The following KCNH8 variants were observed in gnomAD, a reference collection of about 807,000 sequenced individuals.
KCNH8 encodes the protein voltage-gated delayed rectifier potassium channel KCNH8.
KCNH8 carries 70 observed loss-of-function variants against 103.6 expected under a neutral mutation model. The ratio of observed to expected loss-of-function variants is 0.68; its 90% CI spans 0.56 to 0.82. The LOEUF is 0.82. KCNH8 is among the 40% of genes least tolerant of loss of function. KCNH8 has a pLI of 0.00. For missense variants in KCNH8, 1,217 were observed against 1,329.9 expected, an observed-to-expected ratio of 0.92 and a Z score of 1.32; for synonymous variants, 498 against 489.4, an observed-to-expected ratio of 1.02 and a Z score of -0.23.
intron 2 of KCNH8, among the ~76,000 whole-genome samples, chr3:19,254,227 C>A (rs1445935159): frequency 6.6e-6 from 1 of 151,804 alleles, no homozygotes; most frequent in Non-Finnish European, 1.5e-5. Context: ...ATATTAATAA[C>A]TTTTATCCAG....
chr3:19,512,407 A>G (rs2068798290), intron 12 of KCNH8, among the ~76,000 whole-genome samples: 1 of 152,180 alleles, frequency 6.6e-6, no homozygotes, highest in African/African-American at 2.4e-5. Flanking sequence ...TAGTGACTGG[A>G]AAGAACAAGG....
chr3:19,252,019 C>G (rs2064284856), intron 1 of KCNH8, among the ~76,000 whole-genome samples: 1 of 152,166 alleles, frequency 6.6e-6, no homozygotes, highest in Admixed American at 6.5e-5. Context: ...ATCCCAGTCT[C>G]TAACACTGTT....
chr3:19,350,793 G>A (rs990943687), intron 5 of KCNH8, among the ~76,000 whole-genome samples: 3 of 152,086 alleles, frequency 2.0e-5, no homozygotes. Context: ...GAGCAGAAAA[G>A]CTGAAAATTC....
intron 1 of KCNH8, among the ~76,000 whole-genome samples, chr3:19,216,204 G>T (rs1164953581): frequency 6.6e-6 from 1 of 152,186 alleles, no homozygotes; most frequent in Non-Finnish European, 1.5e-5. Context: ...TTAGCTTGCT[G>T]GTTTGTGGAA....
At chr3:19,256,598 T>G (rs997838591) in intron 2 of KCNH8, among the ~76,000 whole-genome samples, 1 of 152,088 alleles carries the variant, frequency 6.6e-6, no homozygotes, top group Non-Finnish European at 1.5e-5. Context: ...CTTGTGTAGG[T>G]CACTCCAAAT....
rs1465647863 is a variant in KCNH8, at chr3:19,450,062, A to C, written c.1376-44A>C. On this transcript the variant is annotated intron_variant, in intron 8 of 15. Transcript: ENST00000328405. ...AATTTAGATTTACGTGGTGGGCCTC[A>C]TGTCACATTTCTCTTCCATTATATA... The C allele has an allele frequency of 2.0e-6, 3 of 1,518,150 alleles. No homozygotes were observed. The African/African-American group carries it at 4.1e-5, about 21-fold the overall frequency. The allele number at this position is 1,518,150 out of a possible 1,614,324, so 94.0% of individuals were successfully genotyped here.
At chr3:19,235,645 G>T (rs183107198) in intron 1 of KCNH8, among the ~76,000 whole-genome samples, 52 of 152,276 alleles carry the variant, frequency 3.4e-4, no homozygotes, top group Non-Finnish European at 1.8e-4. Context: ...GATCATCTAT[G>T]TAAGTCTGTT....
intron 3 of KCNH8, among the ~76,000 whole-genome samples, chr3:19,290,136 G>T (rs1243419710): frequency 6.6e-6 from 1 of 152,148 alleles, no homozygotes; most frequent in Non-Finnish European, 1.5e-5. Flanking sequence ...TCAGCTTAAG[G>T]AGATTTTGGG....
chr3:19,303,494 C>A (rs757587472), intron 3 of KCNH8, among the ~76,000 whole-genome samples: 1 of 152,126 alleles, frequency 6.6e-6, no homozygotes, highest in Non-Finnish European at 1.5e-5. Context: ...AAATTGGTAC[C>A]TTTGGAAGTG....
intron 3 of KCNH8, among the ~76,000 whole-genome samples, chr3:19,316,859 T>C (rs1036031585): frequency 5.9e-5 from 9 of 152,072 alleles, no homozygotes; most frequent in Admixed American, 5.3e-4. Context: ...AGAAATATGA[T>C]GTATTTATCT....
intron 1 of KCNH8, among the ~76,000 whole-genome samples, 159 bp downstream of exon 1, chr3:19,148,954 G>C (rs934461952): frequency 7.2e-5 from 11 of 152,092 alleles, no homozygotes; most frequent in Admixed American, 2.6e-4. Flanking sequence ...TTCCCTCATG[G>C]TTTGGTGTAG....
chr3:19,506,843 C>A (rs921386631), intron 11 of KCNH8, among the ~76,000 whole-genome samples: 1 of 151,930 alleles, frequency 6.6e-6, no homozygotes, highest in Non-Finnish European at 1.5e-5. Flanking sequence ...GGCACCCTAC[C>A]TGATAACAAG....
chr3:19,376,554 G>A (rs986501985), intron 5 of KCNH8, among the ~76,000 whole-genome samples: 1 of 152,140 alleles, frequency 6.6e-6, no homozygotes, highest in African/African-American at 2.4e-5. Flanking sequence ...GAAATCACCC[G>A]TCTTCTGTGT....
At chr3:19,151,981 A>G (rs2063134653) in intron 1 of KCNH8, among the ~76,000 whole-genome samples, 1 of 152,064 alleles carries the variant, frequency 6.6e-6, no homozygotes, top group Non-Finnish European at 1.5e-5. Flanking sequence ...AAATACGTAT[A>G]CCCCACTTAG....
rs549810385 is a variant in KCNH8, at chr3:19,339,732, T to C, written c.443-2855T>C. Among the ~76,000 whole-genome samples, 23 of 152,202 alleles carry C rather than the reference T, an allele frequency of 1.5e-4. No individual in the cohort carries two copies. The South Asian group carries it at 4.8e-3, about 32-fold the overall frequency. On this transcript the variant is annotated intron_variant, in intron 3 of 15. Transcript: ENST00000328405. ...TGAATGCTTTTTTTAAAAGTAACAT[T>C]CAGTTAGACTTTTGCGGTGAATTAA...
intron 11 of KCNH8, among the ~76,000 whole-genome samples, chr3:19,509,293 C>G (rs1362664190): frequency 6.6e-6 from 1 of 152,088 alleles, no homozygotes; most frequent in Non-Finnish European, 1.5e-5. Context: ...TTTCCCTAAT[C>G]ATCTAGGGAA....
At chr3:19,176,351 G>T (rs1216690738) in intron 1 of KCNH8, among the ~76,000 whole-genome samples, 1 of 152,134 alleles carries the variant, frequency 6.6e-6, no homozygotes, top group African/African-American at 2.4e-5. Context: ...TAAACAGTAT[G>T]AGGCTCTATA....
chr3:19,502,378 C>T (rs1421891326), intron 11 of KCNH8, among the ~76,000 whole-genome samples: 7 of 149,938 alleles, frequency 4.7e-5, no homozygotes, highest in Admixed American at 4.6e-4. Context: ...ATGCCATCCC[C>T]ATCAAGCTAC....
chr3:19,235,260 C>T (rs1384610455), intron 1 of KCNH8, among the ~76,000 whole-genome samples: 1 of 152,000 alleles, frequency 6.6e-6, no homozygotes, highest in Non-Finnish European at 1.5e-5. Flanking sequence ...CAAAGTTCAT[C>T]GGGAGGGGGT....
Sources: gnomAD v4.1 joint callset for allele counts (sites outside exome capture counted in the v4.1 genomes callset) on GRCh38, gnomAD v4.1.1 for gene constraint, MANE v1.5 for transcripts, NCBI Gene and HGNC (gene_info 2026-07-23, HGNC 2026-07-21) for gene names.